DCHS2: variants seen among roughly 807,000 people sequenced by gnomAD.
DCHS2 encodes protocadherin-23.
In DCHS2, 142 loss-of-function variants were observed where a neutral mutation model predicts 182.4. That is an observed-to-expected ratio of 0.78 (90% CI 0.68 to 0.89). The LOEUF is 0.89. Ranked by LOEUF, DCHS2 falls within the 40% of genes least tolerant of loss-of-function variation. DCHS2 has a pLI of 0.00. For synonymous variants in DCHS2, 1,740 were observed against 1,663.3 expected (o/e 1.05, Z -1.12); for missense variants, 4,319 against 4,198.6 (o/e 1.03, Z -0.79).
intron 1 of DCHS2, among the ~76,000 whole-genome samples, chr4:154,452,010 C>T (rs1734555982): frequency 6.6e-6 from 1 of 152,156 alleles, no homozygotes; most frequent in Non-Finnish European, 1.5e-5. Context: ...TGATACCAGT[C>T]AACCACTTTC....
chr4:154,377,417 G>C lies in DCHS2; in HGVS notation c.2080C>G (p.Leu694Val). 1 of 1,613,048 alleles carries C rather than the reference G, an allele frequency of 6.2e-7. No individual in the cohort carries two copies. Among genetic ancestry groups the C allele is most frequent in the Non-Finnish European group, 8.5e-7 (1 of 1,179,414 alleles). ...QVTASDADSG[L>V]YGFIEYSLYD... ...AGAGAATATTCAATAAAGCCATAGAGTCCTGAATCTGCATCAGAGGCTGTC... is the reference window on the plus strand; with the variant it reads ...AGAGAATATTCAATAAAGCCATAGACTCCTGAATCTGCATCAGAGGCTGTC... Residue 694 changes from leucine to valine, a missense_variant, in exon 2 of 20, where the codon CTC (leucine) becomes GTC (valine). Physicochemically the swap from Leu to Val is conservative, Grantham distance 32. Transcript: ENST00000357232.
intron 2 of DCHS2, among the ~76,000 whole-genome samples, chr4:154,369,300 C>T (rs1050293958): frequency 1.3e-5 from 2 of 152,212 alleles, no homozygotes; most frequent in Admixed American, 6.5e-5. Context: ...TGCCTCAGAA[C>T]TTCTCACAGA....
At chr4:154,454,304 C>T (rs1734669506) in intron 1 of DCHS2, among the ~76,000 whole-genome samples, 2 of 152,098 alleles carry the variant, frequency 1.3e-5, no homozygotes, top group Admixed American at 6.6e-5. Context: ...AGTTCAGTGG[C>T]ATGAACATAG....
At chr4:154,450,161 A>G (rs374099499) in intron 1 of DCHS2, among the ~76,000 whole-genome samples, 6 of 152,348 alleles carry the variant, frequency 3.9e-5, no homozygotes, top group East Asian at 1.9e-4. Context: ...CCAAAGAGAA[A>G]GGCGACAGTG....
Position 154,322,406 on chromosome 4 carries a change from A to C in DCHS2, c.4101T>G (p.Pro1367=). 1.2e-6 allele frequency: 2 copies of C among 1,613,806 alleles called. No individual in the cohort carries two copies. The highest frequency in any genetic ancestry group is 1.7e-6 in the Non-Finnish European group (2 of 1,179,838). The change falls in exon 8 of 20, where the codon CCT becomes CCG. Residue 1367 remains proline, a synonymous_variant. Coordinates refer to ENST00000357232, the MANE Select transcript of DCHS2 (RefSeq NM_001358235.2). ...TTTILSYDYR[P]SYRMSVIATD... ...TGGCAATGACACTCATTCTGTAGGA[A>C]GGTCTATAATCATACGAAAGTATTG...
In DCHS2 at chr4:154,489,316, GT is replaced by G. The variant is rs750128177; in HGVS notation, c.2039del (p.His680ProfsTer6). 9.9e-6 allele frequency: 15 copies of G among 1,521,418 alleles called. No individual in the cohort carries two copies. Among genetic ancestry groups the G allele is most frequent in the Non-Finnish European group, 1.3e-5 (15 of 1,127,646 alleles). The allele number at this position is 1,521,418 out of a possible 1,614,324, so 94.2% of individuals were successfully genotyped here. On this transcript the variant is annotated frameshift_variant, in exon 1 of 20. Coordinates refer to ENST00000357232, the MANE Select transcript of DCHS2 (RefSeq NM_001358235.2). LOFTEE classifies it high-confidence loss of function. ...CTGATGCACTCACCTGCAGAAAGCA[GT>G]GTCCAACCGGGGCATGCTCTGCAAT... Reference protein sequence around the residue: ...ATIAEHAPVGHCFLQVTASDA... With the variant: ...ATIAEHAPVGXCFLQVTASDA...
intron 7 of DCHS2, 108 bp from the exon 8 acceptor site, chr4:154,322,596 T>C: frequency 1.5e-6 from 2 of 1,348,184 alleles, no homozygotes; most frequent in Non-Finnish European, 1.9e-6. Flanking sequence ...TGCTTTGAAT[T>C]CTATGAGAGT....
intron 1 of DCHS2, among the ~76,000 whole-genome samples, chr4:154,474,872 T>C (rs1041020536): frequency 6.6e-6 from 1 of 152,192 alleles, no homozygotes; most frequent in African/African-American, 2.4e-5. Flanking sequence ...TCCATAAATG[T>C]TGATTACAAG....
chr4:154,307,439 G>GCA (rs1255424007), intron 10 of DCHS2, among the ~76,000 whole-genome samples: 1 of 34,394 alleles, frequency 2.9e-5, no homozygotes. Flanking sequence ...AGATGTGCGC[G>GCA]CGCACACACA....
At chr4:154,244,207 CCTTATTTG>C (rs112401043) in intron 16 of DCHS2, among the ~76,000 whole-genome samples, 5 of 152,244 alleles carry the variant, frequency 3.3e-5, no homozygotes, top group African/African-American at 1.2e-4. Context: ...CAGGGAGCCG[CCTTATTTG>C]CTTTTCTATA....
At chr4:154,391,286 A>T (rs1731690923) in intron 1 of DCHS2, 2 of 1,594,208 alleles carry the variant, frequency 1.3e-6, no homozygotes, top group African/African-American at 2.7e-5. Flanking sequence ...TCGTTATCTC[A>T]TCCAGTCTCA....
At chr4:154,250,714 T>C (rs1364803067) in intron 16 of DCHS2, among the ~76,000 whole-genome samples, 1 of 152,182 alleles carries the variant, frequency 6.6e-6, no homozygotes, top group East Asian at 1.9e-4. Context: ...GCACCATCCA[T>C]GTAACAGACT....
chr4:154,250,324 C>G (rs950775631), intron 16 of DCHS2, among the ~76,000 whole-genome samples: 6 of 152,134 alleles, frequency 3.9e-5, no homozygotes, highest in Non-Finnish European at 7.4e-5. Context: ...TATTTATCGG[C>G]CGAATCCTGA....
rs112708478 is a variant in DCHS2 at position 154,279,368 on chromosome 4, A to G, written c.6464-9355T>C. The stretch of plus-strand genomic sequence containing the variant: ...ATGCTGTCTATTAGAGACTCACTTT[A>G]CATAGAAGAACACACAAATAAGCTG... On this transcript the variant is annotated intron_variant, in intron 13 of 19. Transcript: ENST00000357232. Among the ~76,000 whole-genome samples, 287 of 152,246 alleles carry G rather than the reference A, an allele frequency of 1.9e-3. 4 individuals carry two copies. The highest frequency in any genetic ancestry group is 6.8e-3 in the Middle Eastern group (2 of 294).
intron 13 of DCHS2, among the ~76,000 whole-genome samples, chr4:154,295,942 T>C (rs908641980): frequency 9.2e-5 from 14 of 152,250 alleles, no homozygotes; most frequent in African/African-American, 2.9e-4. Context: ...CTAATTTATG[T>C]ATTGTACAAT....
chr4:154,407,546 C>T (rs10857275), intron 1 of DCHS2, among the ~76,000 whole-genome samples: 45,876 of 152,136 alleles, frequency 0.3, 8,763 homozygotes, highest in East Asian at 0.65. Context: ...AATCCCAGGA[C>T]TGCTCTGCCT....
chr4:154,406,960 A>G lies in DCHS2; in HGVS notation c.2053-29516T>C, dbSNP rs551956654. Among the ~76,000 whole-genome samples the G allele has an allele frequency of 9.8e-5, 15 of 152,332 alleles. No homozygotes were observed. The South Asian group carries it at 1.9e-3, about 19-fold the overall frequency. On this transcript the variant is annotated intron_variant, in intron 1 of 19. Coordinates refer to ENST00000357232, the MANE Select transcript of DCHS2 (RefSeq NM_001358235.2). ...AAGAAAAAAGATGCCACATCTATCA[A>G]TCATTTTCCTCATGAATGCAGTGAG...
At chr4:154,442,535 C>CA (rs1553952990) in intron 1 of DCHS2, among the ~76,000 whole-genome samples, 4 of 77,306 alleles carry the variant, frequency 5.2e-5, no homozygotes, top group African/African-American at 1.6e-4. Context: ...GGACACCCCC[C>CA]CCCCCCCACA....
At chr4:154,390,399 C>G (rs1389586461) in intron 1 of DCHS2, among the ~76,000 whole-genome samples, 2 of 151,510 alleles carry the variant, frequency 1.3e-5, no homozygotes, top group African/African-American at 4.9e-5. Flanking sequence ...GTTTGATACT[C>G]TTAATCCTGT....
Sources: gnomAD v4.1 joint callset for allele counts (sites outside exome capture counted in the v4.1 genomes callset) on GRCh38, gnomAD v4.1.1 for gene constraint, MANE v1.5 for transcripts, NCBI Gene and HGNC (gene_info 2026-07-23, HGNC 2026-07-21) for gene names.